Variants in KIAA1549L observed in about 807,000 individuals in gnomAD.
KIAA1549L encodes the protein KIAA1549 like.
In KIAA1549L, 88 loss-of-function variants were observed where a neutral mutation model predicts 160.7. That is an observed-to-expected ratio of 0.55 (90% CI 0.46 to 0.65). The LOEUF is 0.65. Among genes scored for constraint, KIAA1549L ranks in the 30% least tolerant of loss-of-function variants. The probability of loss-of-function intolerance (pLI) is 0.00; values close to 1 mark genes in which losing one functional copy is unlikely to be tolerated. For synonymous variants in KIAA1549L, 950 were observed against 976.7 expected, an observed-to-expected ratio of 0.97 and a Z score of 0.51; for missense variants, 2,258 against 2,437.5, an observed-to-expected ratio of 0.93 and a Z score of 1.55.
intron 1 of KIAA1549L, among the ~76,000 whole-genome samples, chr11:33,427,970 A>G (rs543919564): frequency 6.6e-6 from 1 of 152,344 alleles, no homozygotes; most frequent in East Asian, 1.9e-4. Context: ...ATTGGTTAGT[A>G]ATGTTTCATT....
chr11:33,534,609 C>G (rs1317272442), intron 1 of KIAA1549L, among the ~76,000 whole-genome samples: 5 of 151,906 alleles, frequency 3.3e-5, no homozygotes, highest in African/African-American at 1.2e-4. Flanking sequence ...AATAAGAGTA[C>G]AGCCTGTTTC....
chr11:33,658,198 G>A (rs1347527694), intron 18 of KIAA1549L, among the ~76,000 whole-genome samples: 1 of 152,182 alleles, frequency 6.6e-6, no homozygotes, highest in African/African-American at 2.4e-5. Context: ...ACAAAAAAAA[G>A]TTCTGTTAGA....
At chr11:33,475,334 T>A (rs1239004733) in intron 1 of KIAA1549L, among the ~76,000 whole-genome samples, 2 of 152,200 alleles carry the variant, frequency 1.3e-5, no homozygotes, top group African/African-American at 2.4e-5. Context: ...ATAGCCTGTT[T>A]CTTCTCCGTT....
At chr11:33,617,833 G>A (rs559365120) in intron 15 of KIAA1549L, among the ~76,000 whole-genome samples, 1 of 123,858 alleles carries the variant, frequency 8.1e-6, no homozygotes, top group Non-Finnish European at 1.8e-5. Flanking sequence ...GGATGGATAG[G>A]TAGGTGGGTG....
chr11:33,536,126 C>T (rs1009071566), intron 1 of KIAA1549L, among the ~76,000 whole-genome samples: 3 of 152,220 alleles, frequency 2.0e-5, no homozygotes, highest in Non-Finnish European at 2.9e-5. Context: ...TATAGAGACT[C>T]ATTTCCCAGA....
chr11:33,457,392 C>T (rs973350908), intron 1 of KIAA1549L, among the ~76,000 whole-genome samples: 2 of 152,204 alleles, frequency 1.3e-5, no homozygotes, highest in African/African-American at 4.8e-5. Flanking sequence ...GCAGCCTCAA[C>T]AACCCTGAGA....
chr11:33,551,339 C>T, intron 5 of KIAA1549L, 80 bp downstream of exon 5: 2 of 1,170,126 alleles, frequency 1.7e-6, no homozygotes, highest in East Asian at 5.1e-5. Context: ...TTTAAAAGCT[C>T]CATTGCTAGC....
intron 1 of KIAA1549L, among the ~76,000 whole-genome samples, chr11:33,500,998 C>CA (rs201216214): frequency 0.015 from 2,187 of 149,788 alleles, 30 homozygotes; most frequent in Middle Eastern, 0.055. Flanking sequence ...GACAAATTTC[C>CA]AAAAAAAAAC....
At chr11:33,469,765 G>A (rs1410191818) in intron 1 of KIAA1549L, among the ~76,000 whole-genome samples, 1 of 152,140 alleles carries the variant, frequency 6.6e-6, no homozygotes, top group Non-Finnish European at 1.5e-5. Flanking sequence ...TTCCCTAATG[G>A]CTAATGATGT....
intron 1 of KIAA1549L, among the ~76,000 whole-genome samples, chr11:33,490,421 T>C (rs968144506): frequency 4.6e-5 from 7 of 151,388 alleles, no homozygotes; most frequent in African/African-American, 7.3e-5. Flanking sequence ...CCCTCTGGGC[T>C]CAAGTGATCC....
chr11:33,510,908 C>T (rs1239819538), intron 1 of KIAA1549L, among the ~76,000 whole-genome samples: 1 of 152,208 alleles, frequency 6.6e-6, no homozygotes, highest in Admixed American at 6.5e-5. Flanking sequence ...GTAGGAGCAG[C>T]ATGGTGCTGC....
intron 4 of KIAA1549L, 137 bp from the exon 5 acceptor site, chr11:33,550,903 G>T: frequency 1.4e-6 from 1 of 734,204 alleles, no homozygotes; most frequent in South Asian, 1.7e-5. Context: ...TTATAGAATT[G>T]TTAAGAATAT....
At chr11:33,638,442 A>C (rs1851502648) in intron 16 of KIAA1549L, among the ~76,000 whole-genome samples, 1 of 20,250 alleles carries the variant, frequency 4.9e-5, no homozygotes, top group Non-Finnish European at 8.2e-5. Flanking sequence ...AAAAATAAAT[A>C]AATAAATAAA....
intron 1 of KIAA1549L, among the ~76,000 whole-genome samples, chr11:33,410,544 A>G (rs1048580326): frequency 3.9e-5 from 6 of 152,224 alleles, no homozygotes; most frequent in African/African-American, 1.4e-4. Context: ...CACCTGCCTC[A>G]GTCCATCTCA....
chr11:33,482,568 A>G, intron 1 of KIAA1549L, among the ~76,000 whole-genome samples: 1 of 131,576 alleles, frequency 7.6e-6, no homozygotes, highest in East Asian at 2.2e-4. Context: ...CATATGCTAT[A>G]CTTTTTTTTT....
intron 1 of KIAA1549L, among the ~76,000 whole-genome samples, chr11:33,394,322 G>T (rs1006883834): frequency 1.3e-5 from 2 of 152,070 alleles, no homozygotes; most frequent in African/African-American, 4.8e-5. Flanking sequence ...GGAGGCAGAG[G>T]CTGCAGTGAT....
rs1036005202 is a variant in KIAA1549L at position 33,653,472 on chromosome 11, A to G, written c.5761-2540A>G. On this transcript the variant is annotated intron_variant, in intron 17 of 20. Coordinates refer to ENST00000658780, the MANE Select transcript of KIAA1549L (RefSeq NM_012194.3). ...GTCTTCTGGGTGCTAACGAGAAGCC[A>G]TTTGTTAGTGTCATTGCCATCCCTT... 5.9e-5 allele frequency among the ~76,000 whole-genome samples: 9 copies of G among 152,258 alleles called. No individual in the cohort carries two copies. In the South Asian group the frequency reaches 1.0e-3, roughly 18 times the overall value.
intron 1 of KIAA1549L, among the ~76,000 whole-genome samples, chr11:33,397,846 A>G (rs766081983): frequency 1.4e-5 from 2 of 141,288 alleles, no homozygotes; most frequent in Non-Finnish European, 3.2e-5. Flanking sequence ...GAAAAATCAT[A>G]TAGTTTTTTT....
intron 1 of KIAA1549L, among the ~76,000 whole-genome samples, chr11:33,436,140 A>G (rs1015244500): frequency 2.0e-5 from 3 of 152,058 alleles, no homozygotes; most frequent in African/African-American, 7.2e-5. Flanking sequence ...TTTATATCTC[A>G]GGGACATGAG....
Sources: allele counts gnomAD v4.1 joint callset (sites outside exome capture counted in the v4.1 genomes callset), GRCh38; gene constraint gnomAD v4.1.1; transcripts MANE v1.5; gene names NCBI Gene and HGNC (gene_info 2026-07-23, HGNC 2026-07-21).